The following TBC1D9 variants were observed in gnomAD, a reference collection of about 807,000 sequenced individuals.
The protein encoded by TBC1D9 is TBC1 domain family member 9A.
A neutral mutation model predicts 132.0 loss-of-function variants in TBC1D9; 63 were observed. That is an observed-to-expected ratio of 0.48 (90% CI 0.39 to 0.59). The LOEUF is 0.59. TBC1D9 is among the 20% of genes least tolerant of loss of function. TBC1D9 has a pLI of 0.00. For synonymous variants in TBC1D9, 610 were observed against 609.9 expected (o/e 1.00, Z 0.00); for missense variants, 1,261 against 1,592.7 (o/e 0.79, Z 3.54).
rs1738070690 is a variant in TBC1D9, at chr4:140,701,598, G to A, written c.147C>T (p.Thr49=). 6.2e-7 allele frequency: 1 copy of A among 1,613,686 alleles called. No homozygotes were observed. Among genetic ancestry groups the A allele is most frequent in the Non-Finnish European group, 8.5e-7 (1 of 1,179,816 alleles). Residue 49 remains threonine, a synonymous_variant, in exon 2 of 21, where the codon ACC becomes ACT. Transcript: ENST00000442267. ...CGCTGGAGTCCAACACAACATCAAG[G>A]GTACCCACCAGCAGGCCTGAGGGTG... ...GGGLAGLLVG[T]LDVVLDSSAR...
At chr4:140,667,038 T>C (rs1013188456) in intron 9 of TBC1D9, among the ~76,000 whole-genome samples, 1 of 152,220 alleles carries the variant, frequency 6.6e-6, no homozygotes, top group Non-Finnish European at 1.5e-5. Context: ...TCTTGTCATC[T>C]GACCTGCATT....
intron 1 of TBC1D9, among the ~76,000 whole-genome samples, chr4:140,734,280 C>G (rs564581113): frequency 1.3e-5 from 2 of 152,158 alleles, no homozygotes; most frequent in African/African-American, 4.8e-5. Context: ...TGGCACGTGT[C>G]ACCACACTCA....
At chr4:140,655,834 G>C (rs1737258999) in intron 13 of TBC1D9, among the ~76,000 whole-genome samples, 1 of 152,120 alleles carries the variant, frequency 6.6e-6, no homozygotes, top group Non-Finnish European at 1.5e-5. Context: ...TATACTAAGT[G>C]TCTCAGACTA....
At chr4:140,650,635 C>T (rs1452144158) in intron 13 of TBC1D9, among the ~76,000 whole-genome samples, 1 of 152,168 alleles carries the variant, frequency 6.6e-6, no homozygotes, top group Non-Finnish European at 1.5e-5. Context: ...CAGGTTCAAT[C>T]GATTCTCTTG....
intron 15 of TBC1D9, among the ~76,000 whole-genome samples, chr4:140,635,786 G>T (rs528283329): frequency 6.6e-6 from 1 of 152,132 alleles, no homozygotes; most frequent in Non-Finnish European, 1.5e-5. Context: ...TCAAAGTTCC[G>T]TGGGCTTTGG....
intron 6 of TBC1D9, 28 bp downstream of exon 6, chr4:140,676,866 A>C (rs1316900160): frequency 6.2e-7 from 1 of 1,608,388 alleles, no homozygotes; most frequent in African/African-American, 1.3e-5. Flanking sequence ...AATGAAACTT[A>C]AAATATCAAT....
intron 13 of TBC1D9, chr4:140,643,205 G>T (rs1241872264): frequency 5.0e-6 from 7 of 1,398,420 alleles, no homozygotes; most frequent in East Asian, 2.5e-5. Flanking sequence ...GAGCCACCAG[G>T]GCCCGCTCCG....
chr4:140,693,118 T>A (rs1490003554), intron 2 of TBC1D9, among the ~76,000 whole-genome samples: 1 of 152,086 alleles, frequency 6.6e-6, no homozygotes, highest in Non-Finnish European at 1.5e-5. Context: ...TTTTTAATAA[T>A]CTTTTTCATT....
chr4:140,652,062 A>T (rs2110991167), intron 13 of TBC1D9, among the ~76,000 whole-genome samples: 1 of 152,132 alleles, frequency 6.6e-6, no homozygotes, highest in African/African-American at 2.4e-5. Flanking sequence ...AACTTGGTGA[A>T]ACCCCATCTC....
intron 1 of TBC1D9, among the ~76,000 whole-genome samples, chr4:140,710,463 G>A (rs934576942): frequency 6.6e-6 from 1 of 152,160 alleles, no homozygotes; most frequent in Non-Finnish European, 1.5e-5. Flanking sequence ...CTCAACAAGA[G>A]AGAGAGAAGC....
intron 9 of TBC1D9, among the ~76,000 whole-genome samples, chr4:140,667,158 T>C (rs1341900675): frequency 6.6e-6 from 1 of 152,184 alleles, no homozygotes; most frequent in Non-Finnish European, 1.5e-5. Flanking sequence ...CTCTTCATGA[T>C]AGGCTGGCCT....
intron 13 of TBC1D9, among the ~76,000 whole-genome samples, chr4:140,647,476 T>A (rs1263940957): frequency 2.6e-5 from 4 of 152,226 alleles, no homozygotes; most frequent in Admixed American, 1.3e-4. Context: ...ATTACCTATG[T>A]GAGTGGGCAA....
At position 140,674,501 on chromosome 4, in the gene TBC1D9, G is replaced by A. The variant is rs546826772; in HGVS notation, c.1059+2393C>T. Among the ~76,000 whole-genome samples the A allele has an allele frequency of 4.6e-5, 7 of 151,896 alleles. No individual in the cohort carries two copies. In the East Asian group the frequency reaches 5.8e-4, roughly 13 times the overall value. On this transcript the variant is annotated intron_variant, in intron 6 of 20. Coordinates refer to ENST00000442267, the MANE Select transcript of TBC1D9 (RefSeq NM_015130.3). The stretch of plus-strand genomic sequence containing the variant: ...TGAATAAATTATGTATATACTTTAC[G>A]GAATAAACTGCAGGATTTAAAATTT...
At chr4:140,642,485 T>C (rs1218268542) in intron 13 of TBC1D9, 11 of 1,061,578 alleles carry the variant, frequency 1.0e-5, no homozygotes, top group Admixed American at 5.9e-5. Flanking sequence ...GTTTTTGATT[T>C]CCCCCCAGCA....
At chr4:140,634,604 T>C (rs535917767) in intron 15 of TBC1D9, among the ~76,000 whole-genome samples, 26 of 152,364 alleles carry the variant, frequency 1.7e-4, no homozygotes, top group Non-Finnish European at 2.2e-4. Flanking sequence ...CCTTGTTTTC[T>C]AGGTGACAAT....
chr4:140,654,784 T>A (rs1737239985), intron 13 of TBC1D9, among the ~76,000 whole-genome samples: 1 of 152,216 alleles, frequency 6.6e-6, no homozygotes, highest in Non-Finnish European at 1.5e-5. Flanking sequence ...TTAGACAGTG[T>A]GTGCCAATAG....
chr4:140,643,161 C>T, intron 13 of TBC1D9: 1 of 1,440,818 alleles, frequency 6.9e-7, no homozygotes, highest in East Asian at 2.5e-5. Context: ...CAGCATGTGG[C>T]TGCCGGCTGC....
At position 140,642,119 on chromosome 4, in the gene TBC1D9, G is replaced by A. The variant is rs1469436727; in HGVS notation, c.2338-2691C>T. ...TGTGCCAGGCCCTCTTGGTCAGCTA[G>A]GGGCCGCCAGCTGCCTTGCTGTCCT... On this transcript the variant is annotated intron_variant, in intron 13 of 20. Coordinates refer to ENST00000442267, the MANE Select transcript of TBC1D9 (RefSeq NM_015130.3). 1.1e-4 allele frequency: 86 copies of A among 748,162 alleles called. No individual in the cohort carries two copies. The Admixed American group carries it at 1.3e-3, about 12-fold the overall frequency. The allele number at this position is 748,162 out of a possible 1,614,324, so 46.3% of individuals were successfully genotyped here.
rs150595590 is a variant in TBC1D9, at chr4:140,655,605, T to C, written c.2337+1492A>G. Among the ~76,000 whole-genome samples the C allele has an allele frequency of 3.0e-3, 452 of 152,158 alleles. 1 individual carries two copies. The highest frequency in any genetic ancestry group is 0.01 in the African/African-American group (418 of 41,532). Reference sequence around the variant, plus strand: ...ATCAGGAAATGAAGAAACCATCAAGTGTTATGAGCACTTGGGGCCCCACAA... The same window carrying C: ...ATCAGGAAATGAAGAAACCATCAAGCGTTATGAGCACTTGGGGCCCCACAA... On this transcript the variant is annotated intron_variant, in intron 13 of 20. Coordinates refer to ENST00000442267, the MANE Select transcript of TBC1D9 (RefSeq NM_015130.3).
Sources: allele counts gnomAD v4.1 joint callset (sites outside exome capture counted in the v4.1 genomes callset), GRCh38; gene constraint gnomAD v4.1.1; transcripts MANE v1.5; gene names NCBI Gene and HGNC (gene_info 2026-07-23, HGNC 2026-07-21).